The following PARN variants were observed in gnomAD, a reference collection of about 807,000 sequenced individuals.
The protein encoded by PARN is poly(A)-specific ribonuclease PARN.
A neutral mutation model predicts 102.8 loss-of-function variants in PARN; 71 were observed. The observed-to-expected ratio is 0.69, with a 90% confidence interval of 0.57 to 0.84. PARN has a LOEUF of 0.84. Ranked by LOEUF, PARN falls within the 40% of genes least tolerant of loss-of-function variation. The pLI, the probability that PARN is intolerant of heterozygous loss-of-function variation, is 0.00. For synonymous variants in PARN, 261 were observed against 252.9 expected (o/e 1.03, Z -0.30); for missense variants, 782 against 760.9 (o/e 1.03, Z -0.33).
At chr16:14,450,082 T>C (rs576995604) in intron 22 of PARN, among the ~76,000 whole-genome samples, 1 of 152,334 alleles carries the variant, frequency 6.6e-6, no homozygotes, top group East Asian at 1.9e-4. Context: ...AAAAAACTGG[T>C]TGAATACGCA....
In PARN at chr16:14,595,145, G is replaced by A. The variant is rs1446738043; in HGVS notation, c.841-1767C>T. On this transcript the variant is annotated intron_variant, in intron 12 of 23. Transcript: ENST00000437198. ...TTTCATCAATAAATGTACTTCTCGC[G>A]AGGTATGGGTTAGTAGCTCTGAAGC... Among the ~76,000 whole-genome samples, 3 of 152,244 alleles carry A rather than the reference G, an allele frequency of 2.0e-5. 1 individual carries two copies. Among genetic ancestry groups the A allele is most frequent in the Non-Finnish European group, 2.9e-5 (2 of 68,030 alleles).
chr16:14,449,318 G>A (rs1242772348), intron 22 of PARN, among the ~76,000 whole-genome samples: 1 of 152,054 alleles, frequency 6.6e-6, no homozygotes, highest in African/African-American at 2.4e-5. Flanking sequence ...AGCAGAAAAG[G>A]ATAAAATTAG....
At chr16:14,546,820 G>A (rs1966973180) in intron 21 of PARN, among the ~76,000 whole-genome samples, 1 of 152,134 alleles carries the variant, frequency 6.6e-6, no homozygotes, top group Non-Finnish European at 1.5e-5. Flanking sequence ...ATGAATTCCT[G>A]GCCAGGGACA....
chr16:14,557,984 T>C (rs1967804443), intron 18 of PARN, among the ~76,000 whole-genome samples: 3 of 152,244 alleles, frequency 2.0e-5, no homozygotes, highest in Admixed American at 2.0e-4. Context: ...AAGTTATTCC[T>C]AGGTTAGTGA....
Position 14,446,936 on chromosome 16 carries a change from T to G in PARN, c.1816A>C (p.Lys606Gln). Residue 606 changes from lysine (K) to glutamine (Q), a missense_variant, in exon 23 of 24, where the codon AAA becomes CAA. Coordinates refer to ENST00000437198, the MANE Select transcript of PARN (RefSeq NM_002582.4). ...SCAEPLSEGRKKAKKLKRMKK... is the reference protein window; with the variant it reads ...SCAEPLSEGRQKAKKLKRMKK... ...ATTCTTTTTAATTTCTTGGCCTTTT[T>G]CCTTCCCTCTGAGAGGGGCTCTGCA... 1 of 1,613,642 alleles carries G rather than the reference T, an allele frequency of 6.2e-7. No individual in the cohort carries two copies. Among genetic ancestry groups the G allele is most frequent in the Non-Finnish European group, 8.5e-7 (1 of 1,179,760 alleles).
At chr16:14,543,627 A>G (rs958547991) in intron 21 of PARN, among the ~76,000 whole-genome samples, 2 of 152,232 alleles carry the variant, frequency 1.3e-5, no homozygotes, top group Non-Finnish European at 2.9e-5. Flanking sequence ...GAAGACTGTT[A>G]AAAGTTATGG....
chr16:14,520,740 T>C (rs1418746225), intron 21 of PARN, among the ~76,000 whole-genome samples: 1 of 152,126 alleles, frequency 6.6e-6, no homozygotes, highest in East Asian at 1.9e-4. Flanking sequence ...CACTGGAATA[T>C]TTCCCAGTGA....
Position 14,468,878 on chromosome 16 carries a change from A to ATAG in PARN, c.1670+13759_1670+13760insCTA, listed in dbSNP as rs1555481204. ...GCAACACAGCAAGATCCCATTACTAAATAGATAGATAGATAGATAGATAGA... is the reference window on the plus strand; with the variant it reads ...GCAACACAGCAAGATCCCATTACTAATAGATAGATAGATAGATAGATAGATAGA... On this transcript the variant is annotated intron_variant, in intron 22 of 23. Transcript: ENST00000437198. Among the ~76,000 whole-genome samples, 330 of 139,718 alleles carry ATAG rather than the reference A, an allele frequency of 2.4e-3. 1 individual carries two copies. The highest frequency in any genetic ancestry group is 4.4e-3 in the African/African-American group (159 of 35,948). The allele number at this position is 139,718 out of a possible 152,430, so 91.7% of individuals were successfully genotyped here.
At chr16:14,534,970 A>G (rs192196182) in intron 21 of PARN, among the ~76,000 whole-genome samples, 6,426 of 151,654 alleles carry the variant, frequency 0.042, 146 homozygotes, top group African/African-American at 0.051. Flanking sequence ...AAGTAGCTGG[A>G]ATTACAGGCA....
intron 21 of PARN, among the ~76,000 whole-genome samples, chr16:14,521,489 T>C (rs945812977): frequency 3.3e-5 from 5 of 152,194 alleles, no homozygotes; most frequent in Non-Finnish European, 5.9e-5. Flanking sequence ...TGCTTTCCAT[T>C]TGGAATATTT....
At position 14,555,709 on chromosome 16, in the gene PARN, C is replaced by T. The variant is rs1967641563; in HGVS notation, c.1263G>A (p.Lys421=). ...TATCCATGACCCTCATAAGAAATAA[C>T]CTACAAGAAGAAAAGACAAACAAGT... ...RSKLIEPFFN[K]LFLMRVMDIP... The change falls in exon 19 of 24, where the codon AAG becomes AAA. Residue 421 remains lysine (K), a splice_region_variant and synonymous_variant. Coordinates refer to ENST00000437198, the MANE Select transcript of PARN (RefSeq NM_002582.4). The T allele has an allele frequency of 6.8e-7, 1 of 1,462,492 alleles. No homozygotes were observed. The highest frequency in any genetic ancestry group is 1.4e-5 in the African/African-American group (1 of 70,744). 90.6% of individuals were successfully genotyped at this position (1,462,492 alleles called of 1,614,324 possible). A position where few individuals can be genotyped will look rare whatever the true frequency, so the allele number is the denominator to read the frequency against.
At chr16:14,438,214 C>T (rs138850695) in intron 23 of PARN, among the ~76,000 whole-genome samples, 3 of 152,126 alleles carry the variant, frequency 2.0e-5, no homozygotes, top group African/African-American at 7.2e-5. Context: ...CAATAAACAC[C>T]TAACTGTATG....
chr16:14,549,776 G>A (rs1227261516), intron 21 of PARN, among the ~76,000 whole-genome samples: 1 of 152,192 alleles, frequency 6.6e-6, no homozygotes, highest in African/African-American at 2.4e-5. Flanking sequence ...CCTACCACGG[G>A]TCAAGCACTG....
intron 1 of PARN, 92 bp from the exon 2 acceptor site, chr16:14,629,766 G>C (rs1273667289): frequency 1.0e-6 from 1 of 962,474 alleles, no homozygotes; most frequent in African/African-American, 1.6e-5. Flanking sequence ...CCGAGGCTGA[G>C]AGCCGGAAGG....
rs1356379725 is a variant in PARN, at chr16:14,436,214, A to G, written c.*503T>C. 6.4e-6 allele frequency: 1 copy of G among 155,466 alleles called. No homozygotes were observed. The highest frequency in any genetic ancestry group is 2.0e-4 in the South Asian group (1 of 5,086). 9.6% of individuals were successfully genotyped at this position (155,466 alleles called of 1,614,324 possible). On this transcript the variant is annotated 3_prime_UTR_variant, in exon 24 of 24. Transcript: ENST00000437198. Reference sequence around the variant, plus strand: ...GCTTGAGAGCGTCATGTTTTCAGGCAGCTATGGTGGGAAGCAGGGAGGCAC... The same window carrying G: ...GCTTGAGAGCGTCATGTTTTCAGGCGGCTATGGTGGGAAGCAGGGAGGCAC...
intron 22 of PARN, among the ~76,000 whole-genome samples, chr16:14,467,359 T>A (rs1962423417): frequency 6.6e-6 from 1 of 152,140 alleles, no homozygotes; most frequent in Non-Finnish European, 1.5e-5. Flanking sequence ...AGCTGTAACA[T>A]CAAGAAACAC....
At chr16:14,606,275 C>A (rs1971175303) in intron 10 of PARN, among the ~76,000 whole-genome samples, 1 of 151,944 alleles carries the variant, frequency 6.6e-6, no homozygotes. Context: ...GTGGCACGAG[C>A]CTGTAGTCCC....
intron 18 of PARN, among the ~76,000 whole-genome samples, chr16:14,572,420 T>C (rs1968870213): frequency 6.6e-6 from 1 of 152,144 alleles, no homozygotes; most frequent in African/African-American, 2.4e-5. Context: ...ATCTCTCTGA[T>C]GTTAAATGTC....
chr16:14,489,885 A>G (rs1373667221), intron 21 of PARN, among the ~76,000 whole-genome samples: 2 of 152,246 alleles, frequency 1.3e-5, no homozygotes, highest in African/African-American at 4.8e-5. Flanking sequence ...TACAACAAAG[A>G]GGGCTGGACA....
Sources: allele counts gnomAD v4.1 joint callset (sites outside exome capture counted in the v4.1 genomes callset), GRCh38; gene constraint gnomAD v4.1.1; transcripts MANE v1.5; gene names NCBI Gene and HGNC (gene_info 2026-07-23, HGNC 2026-07-21).